The following GNB5 variants were observed in gnomAD, a reference collection of about 807,000 sequenced individuals.
GNB5 encodes G protein subunit beta 5.
In GNB5, 37 loss-of-function variants were observed where a neutral mutation model predicts 55.3. That is an observed-to-expected ratio of 0.67 (90% CI 0.51 to 0.88). GNB5 has a LOEUF of 0.88. GNB5 is among the 40% of genes least tolerant of loss of function. GNB5 has a pLI of 0.00. For missense variants in GNB5, 476 were observed against 515.3 expected, an observed-to-expected ratio of 0.92 and a Z score of 0.74; for synonymous variants, 219 against 198.5, an observed-to-expected ratio of 1.10 and a Z score of -0.87.
At position 52,164,068 on chromosome 15, in the gene GNB5, C is replaced by T. The variant is rs552939021; in HGVS notation, c.239-9992G>A. ...CCTATAATTCCAGCACTTTGGGAGG[C>T]CGAGGCAAGAGGATCACGAGGTCAG... On this transcript the variant is annotated intron_variant, in intron 3 of 12. Transcript: ENST00000261837. 2.6e-5 allele frequency among the ~76,000 whole-genome samples: 4 copies of T among 152,194 alleles called. No individual in the cohort carries two copies. In the East Asian group the frequency reaches 7.7e-4, roughly 29 times the overall value.
intron 5 of GNB5, among the ~76,000 whole-genome samples, chr15:52,148,162 T>C (rs886068901): frequency 6.6e-6 from 1 of 152,160 alleles, no homozygotes; most frequent in Non-Finnish European, 1.5e-5. Context: ...TATGCCCAAA[T>C]CTCCTTTCAG....
At chr15:52,149,633 C>T in intron 5 of GNB5, 1 of 592,766 alleles carries the variant, frequency 1.7e-6, no homozygotes, top group East Asian at 2.8e-5. Flanking sequence ...TGCCCATTTC[C>T]ATGTTGGTAT....
At chr15:52,137,726 G>T (rs3829469) in intron 7 of GNB5, 14 of 1,188,952 alleles carry the variant, frequency 1.2e-5, no homozygotes, top group African/African-American at 3.2e-5. Context: ...AAGGCAGTGA[G>T]GACTCAGGGT....
intron 1 of GNB5, among the ~76,000 whole-genome samples, chr15:52,187,918 C>T (rs1481483255): frequency 6.6e-6 from 1 of 151,762 alleles, no homozygotes; most frequent in Admixed American, 6.6e-5. Flanking sequence ...CACTGCACTC[C>T]AGCCTGGGTG....
Position 52,136,170 on chromosome 15 carries a change from A to C in GNB5, c.628-414T>G, listed in dbSNP as rs866525736. ...CACACACACACACACACACACACAC[A>C]CACCCTACCTGCTGTATCTGGGTTC... is the stretch of plus-strand genomic sequence containing the variant. On this transcript the variant is annotated intron_variant, in intron 7 of 12. Coordinates refer to ENST00000261837, the MANE Select transcript of GNB5 (RefSeq NM_016194.4). Among the ~76,000 whole-genome samples, 60 of 114,460 alleles carry C rather than the reference A, an allele frequency of 5.2e-4. 2 individuals carry two copies. The highest frequency in any genetic ancestry group is 1.7e-3 in the African/African-American group (50 of 29,214). 75.1% of individuals were successfully genotyped at this position (114,460 alleles called of 152,430 possible).
At chr15:52,188,608 C>T (rs2034877521) in intron 1 of GNB5, among the ~76,000 whole-genome samples, 2 of 152,130 alleles carry the variant, frequency 1.3e-5, no homozygotes, top group South Asian at 2.1e-4. Flanking sequence ...GCCAATGTTT[C>T]GATGAGCATT....
intron 2 of GNB5, among the ~76,000 whole-genome samples, chr15:52,182,876 G>A (rs1477328057): frequency 1.3e-5 from 2 of 152,206 alleles, no homozygotes; most frequent in African/African-American, 4.8e-5. Context: ...TGTGGGCCGG[G>A]CGCAGTGGTT....
intron 6 of GNB5, 73 bp from the exon 7 acceptor site, chr15:52,141,345 T>C (rs1596069571): frequency 7.5e-7 from 1 of 1,335,092 alleles, no homozygotes; most frequent in Admixed American, 1.7e-5. Flanking sequence ...TCCAATCACA[T>C]GAACTTTTCA....
chr15:52,138,981 G>A (rs147023014), intron 7 of GNB5: 18 of 152,236 alleles, frequency 1.2e-4, no homozygotes, highest in African/African-American at 3.9e-4. Context: ...CATTTGTTCT[G>A]GAATGCAGAG....
intron 9 of GNB5, among the ~76,000 whole-genome samples, chr15:52,129,519 A>G (rs1018782653): frequency 1.3e-5 from 2 of 152,130 alleles, no homozygotes; most frequent in Admixed American, 6.5e-5. Flanking sequence ...GGCACATTAT[A>G]TTTTTGAAAG....
intron 2 of GNB5, 21 bp from the exon 3 acceptor site, chr15:52,179,900 G>A (rs766327193): frequency 6.6e-7 from 1 of 1,509,738 alleles, no homozygotes; most frequent in South Asian, 1.2e-5. Context: ...GGACGCAGCG[G>A]AGAGGGAAGC....
intron 7 of GNB5, among the ~76,000 whole-genome samples, chr15:52,139,341 A>G (rs2033798977): frequency 6.6e-6 from 1 of 152,126 alleles, no homozygotes. Flanking sequence ...CAGGCCTACC[A>G]GCTACTTGGG....
At chr15:52,141,069 C>G in intron 7 of GNB5, 71 bp downstream of exon 7, 1 of 1,409,102 alleles carries the variant, frequency 7.1e-7, no homozygotes, top group Non-Finnish European at 1.0e-6. Context: ...ACGCCGAAAG[C>G]TTCCTCTCCT....
At chr15:52,124,694 C>G (rs2033375993) in intron 11 of GNB5, 55 bp from the exon 12 acceptor site, 4 of 1,439,562 alleles carry the variant, frequency 2.8e-6, no homozygotes, top group Non-Finnish European at 3.9e-6. Context: ...TCCTGTTTCT[C>G]ATTACATGAC....
At chr15:52,147,642 A>C (rs2034005273) in intron 5 of GNB5, 107 bp from the exon 6 acceptor site, 1 of 538,022 alleles carries the variant, frequency 1.9e-6, no homozygotes, top group African/African-American at 2.0e-5. Context: ...GCTGGAGTGC[A>C]GTGGCACAAT....
At chr15:52,183,615 C>T (rs117904144) in intron 2 of GNB5, among the ~76,000 whole-genome samples, 4,001 of 152,264 alleles carry the variant, frequency 0.026, 72 homozygotes, top group Middle Eastern at 0.051. Context: ...AGTGCCTTTT[C>T]TTTTTCAGTT....
intron 5 of GNB5, 61 bp from the exon 6 acceptor site, chr15:52,147,596 T>TC: frequency 3.7e-6 from 3 of 808,530 alleles, no homozygotes; most frequent in South Asian, 1.8e-5. Context: ...TTTTTTTTTC[T>TC]TTTTTTTTGA....
intron 3 of GNB5, among the ~76,000 whole-genome samples, chr15:52,177,328 G>A (rs375134558): frequency 5.9e-5 from 9 of 151,564 alleles, no homozygotes; most frequent in Non-Finnish European, 1.2e-4. Flanking sequence ...CCACCCTGTC[G>A]GTCCGAGACC....
intron 11 of GNB5, chr15:52,125,283 AT>A (rs916173905): frequency 8.1e-5 from 12 of 148,920 alleles, no homozygotes; most frequent in African/African-American, 2.0e-4. Context: ...GAAGGGACTC[AT>A]TTTTTTTTTC....
Sources: allele counts gnomAD v4.1 joint callset (sites outside exome capture counted in the v4.1 genomes callset), GRCh38; gene constraint gnomAD v4.1.1; transcripts MANE v1.5; gene names NCBI Gene and HGNC (gene_info 2026-07-23, HGNC 2026-07-21).